The following VEZT variants were observed in gnomAD, a reference collection of about 807,000 sequenced individuals.
VEZT encodes vezatin, adherens junctions transmembrane protein, also known as vezatin.
VEZT carries 39 observed loss-of-function variants against 79.9 expected under a neutral mutation model. The observed-to-expected ratio is 0.49, with a 90% confidence interval of 0.38 to 0.64. The LOEUF is 0.64. Ranked by LOEUF, VEZT falls within the 30% of genes least tolerant of loss-of-function variation. VEZT has a pLI of 0.00. For synonymous variants in VEZT, 325 were observed against 327.6 expected, an observed-to-expected ratio of 0.99 and a Z score of 0.09; for missense variants, 837 against 893.1, an observed-to-expected ratio of 0.94 and a Z score of 0.80.
At position 95,301,153 on chromosome 12, in the gene VEZT, A is replaced by G. The variant is rs964355893; in HGVS notation, c.*480A>G. ...AGTCTTAAAGATCCAGGTTCTGAAT[A>G]AAAAAATTAATTGATACAATTGATG... is the stretch of plus-strand genomic sequence containing the variant. On this transcript the variant is annotated 3_prime_UTR_variant, in exon 12 of 12. Coordinates refer to ENST00000436874, the MANE Select transcript of VEZT (RefSeq NM_017599.4). The G allele has an allele frequency of 6.6e-6, 1 of 152,592 alleles. No homozygotes were observed. Among genetic ancestry groups the G allele is most frequent in the Non-Finnish European group, 1.5e-5 (1 of 68,368 alleles). The allele number at this position is 152,592 out of a possible 1,614,324, so 9.5% of individuals were successfully genotyped here.
At chr12:95,275,231 T>C (rs2138980375) in intron 7 of VEZT, among the ~76,000 whole-genome samples, 1 of 152,310 alleles carries the variant, frequency 6.6e-6, no homozygotes, top group South Asian at 2.1e-4. Context: ...ATGGGTTATC[T>C]CCAAAATTCT....
chr12:95,243,904 C>A (rs1357662103), intron 1 of VEZT: 9 of 454,400 alleles, frequency 2.0e-5, no homozygotes, highest in African/African-American at 1.6e-4. Flanking sequence ...TTGCACATAC[C>A]CACTCCCGCT....
At chr12:95,282,238 A>AG in intron 7 of VEZT, 75 bp from the exon 8 acceptor site, 3 of 1,352,160 alleles carry the variant, frequency 2.2e-6, no homozygotes, top group Middle Eastern at 2.3e-4. Flanking sequence ...AAGTTAAGAT[A>AG]AACAAATTTA....
At chr12:95,246,778 A>G (rs925676104) in intron 1 of VEZT, among the ~76,000 whole-genome samples, 1 of 152,178 alleles carries the variant, frequency 6.6e-6, no homozygotes, top group African/African-American at 2.4e-5. Context: ...ACATTCTCCA[A>G]TACTTCGAAA....
intron 7 of VEZT, among the ~76,000 whole-genome samples, chr12:95,279,318 G>A (rs943854504): frequency 6.6e-6 from 1 of 152,116 alleles, no homozygotes; most frequent in Non-Finnish European, 1.5e-5. Flanking sequence ...TTTTGGATTA[G>A]GGATACTCAA....
chr12:95,228,731 T>C (rs771943168), intron 1 of VEZT, among the ~76,000 whole-genome samples: 1 of 152,174 alleles, frequency 6.6e-6, no homozygotes. Flanking sequence ...TAGCCAGATA[T>C]GGTAGTTCAC....
chr12:95,254,409 C>A (rs1230005458), intron 2 of VEZT, among the ~76,000 whole-genome samples: 1 of 136,376 alleles, frequency 7.3e-6, no homozygotes, highest in African/African-American at 2.8e-5. Context: ...GGCAGTGACG[C>A]AATATTGGTT....
At position 95,218,185 on chromosome 12, in the gene VEZT, G is replaced by GC. The variant is rs1054595499; in HGVS notation, c.36+299_36+300insC. 19 of 202,200 alleles carry GC rather than the reference G, an allele frequency of 9.4e-5. No individual in the cohort carries two copies. In the African/African-American group the frequency reaches 9.8e-4, roughly 10 times the overall value. The allele number at this position is 202,200 out of a possible 1,614,324, so 12.5% of individuals were successfully genotyped here. On this transcript the variant is annotated intron_variant, in intron 1 of 11. Transcript: ENST00000436874. ...TCCTTCCTGGGAATGGATGTGCGGC[G>GC]GGGGGGACTGCGCCCGGCTGGGGCG...
chr12:95,236,744 G>A (rs1179017337), intron 1 of VEZT, among the ~76,000 whole-genome samples: 2 of 151,806 alleles, frequency 1.3e-5, no homozygotes, highest in African/African-American at 2.4e-5. Flanking sequence ...CTGCCACCAC[G>A]CCCGGCTAAT....
chr12:95,267,009 G>A (rs913664349), intron 5 of VEZT, among the ~76,000 whole-genome samples: 1 of 152,218 alleles, frequency 6.6e-6, no homozygotes, highest in East Asian at 1.9e-4. Context: ...TATGATAGAC[G>A]TATCTGCTAT....
intron 7 of VEZT, among the ~76,000 whole-genome samples, chr12:95,277,543 C>T (rs892503085): frequency 6.6e-6 from 1 of 152,136 alleles, no homozygotes; most frequent in Non-Finnish European, 1.5e-5. Flanking sequence ...CTTTCACACC[C>T]TTTCGAATTT....
intron 1 of VEZT, chr12:95,244,159 G>A (rs190103751): frequency 4.9e-5 from 17 of 344,506 alleles, no homozygotes; most frequent in African/African-American, 3.0e-4. Context: ...GCTTTGGGCC[G>A]AGGTGGGAGG....
At chr12:95,245,359 G>A (rs1048275458) in intron 1 of VEZT, among the ~76,000 whole-genome samples, 1 of 152,216 alleles carries the variant, frequency 6.6e-6, no homozygotes, top group East Asian at 1.9e-4. Flanking sequence ...AGCTGAAACA[G>A]GGAGAGGATT....
At chr12:95,236,806 C>G (rs912233764) in intron 1 of VEZT, among the ~76,000 whole-genome samples, 3 of 152,118 alleles carry the variant, frequency 2.0e-5, no homozygotes, top group African/African-American at 4.8e-5. Flanking sequence ...AAGCTGGTCT[C>G]AAACTCCTGA....
At chr12:95,284,782 C>T (rs1377517034) in intron 8 of VEZT, among the ~76,000 whole-genome samples, 1 of 152,076 alleles carries the variant, frequency 6.6e-6, no homozygotes, top group East Asian at 1.9e-4. Flanking sequence ...TGGTTTGTGA[C>T]TGGTGTACTT....
At chr12:95,258,108 T>A (rs966333878) in intron 3 of VEZT, 1 of 388,990 alleles carries the variant, frequency 2.6e-6, no homozygotes, top group Admixed American at 2.8e-5. Context: ...GTATTATTAT[T>A]TTTTGGCTGA....
chr12:95,243,959 G>A (rs1423239529), intron 1 of VEZT: 2 of 455,980 alleles, frequency 4.4e-6, no homozygotes, highest in Non-Finnish European at 8.8e-6. Flanking sequence ...GCCCTTGCTA[G>A]AAGCCAGTGG....
At chr12:95,234,893 AC>A (rs2059810174) in intron 1 of VEZT, among the ~76,000 whole-genome samples, 1 of 152,112 alleles carries the variant, frequency 6.6e-6, no homozygotes, top group African/African-American at 2.4e-5. Flanking sequence ...CATCTGTTTA[AC>A]AAAGCACATC....
intron 7 of VEZT, 125 bp from the exon 8 acceptor site, chr12:95,282,188 T>G (rs887632793): frequency 3.6e-6 from 3 of 824,346 alleles, no homozygotes; most frequent in African/African-American, 1.7e-5. Flanking sequence ...TAAGTTCGGC[T>G]ATATTTATTA....
Sources: allele counts gnomAD v4.1 joint callset (sites outside exome capture counted in the v4.1 genomes callset), GRCh38; gene constraint gnomAD v4.1.1; transcripts MANE v1.5; gene names NCBI Gene and HGNC (gene_info 2026-07-23, HGNC 2026-07-21).